The following SPATA6 variants were observed in gnomAD, a reference collection of about 807,000 sequenced individuals.
SPATA6 encodes the protein spermatogenesis-associated protein 6.
SPATA6 carries 56 observed loss-of-function variants against 65.3 expected under a neutral mutation model. The observed-to-expected ratio is 0.86, with a 90% CI of 0.69 to 1.07. SPATA6 has a LOEUF of 1.07. Ranked by LOEUF, SPATA6 falls within the 50% of genes least tolerant of loss-of-function variation. The pLI is 0.00. For synonymous variants in SPATA6, 199 were observed against 213.2 expected, an observed-to-expected ratio of 0.93 and a Z score of 0.58; for missense variants, 590 against 594.8, an observed-to-expected ratio of 0.99 and a Z score of 0.08.
intron 10 of SPATA6, among the ~76,000 whole-genome samples, chr1:48,358,475 A>G: frequency 6.6e-6 from 1 of 152,100 alleles, no homozygotes; most frequent in East Asian, 1.9e-4. Context: ...TGGAAAACTT[A>G]CAGAGATGAC....
chr1:48,413,689 G>A (rs1030507547), intron 3 of SPATA6, among the ~76,000 whole-genome samples: 3 of 152,016 alleles, frequency 2.0e-5, no homozygotes, highest in Non-Finnish European at 4.4e-5. Context: ...TGAACAACTT[G>A]AGCGTTAGGG....
chr1:48,443,495 T>G (rs1003210825), intron 3 of SPATA6, among the ~76,000 whole-genome samples: 36 of 152,232 alleles, frequency 2.4e-4, no homozygotes, highest in African/African-American at 8.4e-4. Context: ...CTCAGACAGT[T>G]TGCAAGAAAT....
intron 9 of SPATA6, among the ~76,000 whole-genome samples, chr1:48,361,514 T>C (rs1162005827): frequency 2.6e-5 from 4 of 152,150 alleles, no homozygotes; most frequent in Admixed American, 2.6e-4. Context: ...TTGGATTCAT[T>C]TAACAAATAT....
At chr1:48,317,642 C>T (rs1160277270) in intron 11 of SPATA6, among the ~76,000 whole-genome samples, 2 of 151,828 alleles carry the variant, frequency 1.3e-5, no homozygotes, top group African/African-American at 2.4e-5. Context: ...CAAACCTGCA[C>T]GTTGTGCACA....
At chr1:48,388,866 A>G (rs111305810) in intron 8 of SPATA6, among the ~76,000 whole-genome samples, 5,781 of 152,040 alleles carry the variant, frequency 0.038, 293 homozygotes, top group African/African-American at 0.11. Flanking sequence ...GTGCCACCAC[A>G]CCCACCTAAT....
chr1:48,294,099 T>C (rs1644785510), downstream of SPATA6, among the ~76,000 whole-genome samples: 1 of 152,202 alleles, frequency 6.6e-6, no homozygotes, highest in Non-Finnish European at 1.5e-5. Flanking sequence ...TTAATTATTA[T>C]TATTTTGAGC....
At chr1:48,291,534 C>T (rs1172748893), downstream of SPATA6, among the ~76,000 whole-genome samples, 1 of 152,184 alleles carries the variant, frequency 6.6e-6, no homozygotes, top group African/African-American at 2.4e-5. Context: ...CAGGCCTCAA[C>T]CAGCTCCCAC....
At chr1:48,286,709 A>C in the SPATA6 span, among the ~76,000 whole-genome samples, 1 of 152,268 alleles carries the variant, frequency 6.6e-6, no homozygotes, top group Admixed American at 6.5e-5. Flanking sequence ...ATTGATATAA[A>C]GTAATACCTG....
chr1:48,414,209 T>G (rs1182459814), intron 3 of SPATA6, among the ~76,000 whole-genome samples: 1 of 152,208 alleles, frequency 6.6e-6, no homozygotes, highest in African/African-American at 2.4e-5. Context: ...CAAGTTTTTG[T>G]TAAGTTTTAC....
chr1:48,442,193 T>C (rs1655556348), intron 3 of SPATA6, among the ~76,000 whole-genome samples: 1 of 152,162 alleles, frequency 6.6e-6, no homozygotes, highest in South Asian at 2.1e-4. Context: ...GTAAGCCTCT[T>C]CCCCCAGGGA....
At chr1:48,410,571 A>G (rs896363372) in intron 5 of SPATA6, among the ~76,000 whole-genome samples, 5 of 152,182 alleles carry the variant, frequency 3.3e-5, no homozygotes, top group African/African-American at 1.2e-4. Flanking sequence ...GAAATATCTG[A>G]GACTGGGTAA....
intron 9 of SPATA6, among the ~76,000 whole-genome samples, chr1:48,384,231 C>A (rs1300672874): frequency 7.0e-6 from 1 of 143,640 alleles, no homozygotes; most frequent in Non-Finnish European, 1.5e-5. Flanking sequence ...AGGCACTCGG[C>A]AGGCTGAGGC....
intron 11 of SPATA6, among the ~76,000 whole-genome samples, chr1:48,349,150 T>C (rs1646448680): frequency 6.6e-6 from 1 of 152,052 alleles, no homozygotes; most frequent in African/African-American, 2.4e-5. Flanking sequence ...ATTTACATTT[T>C]AGTGCACAAT....
At chr1:48,292,101 G>A (rs570059148), downstream of SPATA6, among the ~76,000 whole-genome samples, 1 of 152,278 alleles carries the variant, frequency 6.6e-6, no homozygotes, top group South Asian at 2.1e-4. Flanking sequence ...CATTCCTTTG[G>A]TGGTGTCATA....
At chr1:48,270,949 C>T in the SPATA6 span, among the ~76,000 whole-genome samples, 2 of 152,170 alleles carry the variant, frequency 1.3e-5, no homozygotes, top group African/African-American at 4.8e-5. Flanking sequence ...ATTAAGACAG[C>T]TAACCATAGT....
At chr1:48,325,421 C>T in intron 11 of SPATA6, 2 of 1,323,206 alleles carry the variant, frequency 1.5e-6, no homozygotes, top group Non-Finnish European at 2.2e-6. Flanking sequence ...CCCCCAGCTT[C>T]TTCTTGACTG....
chr1:48,338,686 A>C (rs1646126254), intron 11 of SPATA6, among the ~76,000 whole-genome samples: 1 of 152,050 alleles, frequency 6.6e-6, no homozygotes, highest in Non-Finnish European at 1.5e-5. Context: ...TAAAATTGAA[A>C]ACAGGAAAGG....
At chr1:48,378,430 T>TTAGTGTATTATTTGTATTTGTA (rs1251267762) in intron 9 of SPATA6, among the ~76,000 whole-genome samples, 11 of 152,196 alleles carry the variant, frequency 7.2e-5, no homozygotes, top group African/African-American at 2.7e-4. Flanking sequence ...TTTATTTGTA[T>TTAGTGTATTATTTGTATTTGTA]TTAGCTAAGT....
In SPATA6 at chr1:48,342,076, G is replaced by A. The variant is rs1257363332; in HGVS notation, c.1194+13594C>T. 3.9e-5 allele frequency among the ~76,000 whole-genome samples: 6 copies of A among 152,286 alleles called. No homozygotes were observed. In the East Asian group the frequency reaches 1.2e-3, roughly 29 times the overall value. ...TTGGAAGAATACAAATGCAAAAGCA[G>A]GGGTTGGCAAACTTTTCTTGTGAAG... is the stretch of plus-strand genomic sequence containing the variant. On this transcript the variant is annotated intron_variant, in intron 11 of 12. Coordinates refer to ENST00000371847, the MANE Select transcript of SPATA6 (RefSeq NM_019073.4).
Sources: gnomAD v4.1 joint callset for allele counts (sites outside exome capture counted in the v4.1 genomes callset) on GRCh38, gnomAD v4.1.1 for gene constraint, MANE v1.5 for transcripts, NCBI Gene and HGNC (gene_info 2026-07-23, HGNC 2026-07-21) for gene names.